Variants in MRPL3 observed in about 807,000 individuals in gnomAD.
The protein encoded by MRPL3 is mitochondrial ribosomal protein L3.
In MRPL3, 43 loss-of-function variants were observed where a neutral mutation model predicts 44.3. The observed-to-expected ratio is 0.97, with a 90% CI of 0.76 to 1.25. MRPL3 has a LOEUF of 1.25. MRPL3 is among the 50% of genes most tolerant of loss of function. The pLI, the probability that MRPL3 is intolerant of heterozygous loss-of-function variation, is 0.00. For missense variants in MRPL3, 406 were observed against 427.6 expected (o/e 0.95, Z 0.45); for synonymous variants, 171 against 152.3 (o/e 1.12, Z -0.91).
chr3:131,485,057 G>A (rs1440860531), intron 6 of MRPL3, among the ~76,000 whole-genome samples: 2 of 152,144 alleles, frequency 1.3e-5, no homozygotes, highest in Non-Finnish European at 2.9e-5. Flanking sequence ...AGGGCTGGTT[G>A]TTCCCCCAAC....
chr3:131,498,511 G>C (rs1488709632), intron 3 of MRPL3, among the ~76,000 whole-genome samples: 1 of 151,504 alleles, frequency 6.6e-6, no homozygotes, highest in Non-Finnish European at 1.5e-5. Context: ...GACCATCCTG[G>C]CTAACACGGT....
intron 6 of MRPL3, among the ~76,000 whole-genome samples, chr3:131,475,689 A>G (rs185720358): frequency 6.6e-6 from 1 of 152,352 alleles, no homozygotes; most frequent in Admixed American, 6.5e-5. Flanking sequence ...GAGCTAAAAC[A>G]TAACACATAT....
intron 6 of MRPL3, among the ~76,000 whole-genome samples, chr3:131,481,131 G>A (rs1416651544): frequency 6.6e-6 from 1 of 152,148 alleles, no homozygotes; most frequent in Non-Finnish European, 1.5e-5. Context: ...TCATTACTCT[G>A]CAAATTCCAG....
In MRPL3 at chr3:131,502,868, G is replaced by T. The variant is rs757348922; in HGVS notation, c.-47C>A. ...ACTCACGACTTCCGGGCGCCCTGCCGCTCTGCTTTCAGGGAGTCCCCACGC... is the reference window on the plus strand; with the variant it reads ...ACTCACGACTTCCGGGCGCCCTGCCTCTCTGCTTTCAGGGAGTCCCCACGC... On this transcript the variant is annotated 5_prime_UTR_variant, in exon 1 of 10. Transcript: ENST00000264995. 1.8e-5 allele frequency: 29 copies of T among 1,573,638 alleles called. No individual in the cohort carries two copies. Among genetic ancestry groups the T allele is most frequent in the Non-Finnish European group, 2.3e-5 (27 of 1,151,090 alleles).
rs1247282963 is a variant in MRPL3, at chr3:131,488,115, A to T, written c.569-375T>A. Among the ~76,000 whole-genome samples the T allele has an allele frequency of 2.0e-5, 3 of 152,230 alleles. No homozygotes were observed. The East Asian group carries it at 5.8e-4, about 29-fold the overall frequency. On this transcript the variant is annotated intron_variant, in intron 5 of 9. Transcript: ENST00000264995. ...AACCAAAAAATGTTGGGGCTTCATT[A>T]AATATCCTGCACCCATTGGACAAAC... is the stretch of plus-strand genomic sequence containing the variant.
chr3:131,484,704 C>A (rs575506113), intron 6 of MRPL3, among the ~76,000 whole-genome samples: 8 of 152,270 alleles, frequency 5.3e-5, no homozygotes, highest in Admixed American at 5.2e-4. Context: ...CAATGCTGCA[C>A]TCAGGAAATT....
At chr3:131,469,239 C>A (rs999170820) in intron 8 of MRPL3, among the ~76,000 whole-genome samples, 19 of 151,614 alleles carry the variant, frequency 1.3e-4, no homozygotes, top group Non-Finnish European at 2.5e-4. Context: ...CACACGCACA[C>A]ACACACACAC....
At chr3:131,496,844 C>T (rs1234028395) in intron 4 of MRPL3, among the ~76,000 whole-genome samples, 4 of 152,198 alleles carry the variant, frequency 2.6e-5, no homozygotes, top group Non-Finnish European at 4.4e-5. Flanking sequence ...CCTCAAAGTC[C>T]GTAAGATGAA....
intron 6 of MRPL3, among the ~76,000 whole-genome samples, chr3:131,485,375 C>T (rs891358645): frequency 6.6e-6 from 1 of 152,150 alleles, no homozygotes; most frequent in Non-Finnish European, 1.5e-5. Context: ...CTTAGAATAT[C>T]CCATATTGTA....
In MRPL3 at chr3:131,498,304, A is replaced by G. The variant is rs1183369327; in HGVS notation, c.370-27T>C. On this transcript the variant is annotated intron_variant, in intron 3 of 9. Transcript: ENST00000264995. ...TAAAAAAACAAACATAAAAAAACTA[A>G]GCATGTGCCAATATATATTTTAACA... The G allele has an allele frequency of 2.9e-6, 4 of 1,399,258 alleles. No homozygotes were observed. The East Asian group carries it at 9.1e-5, about 32-fold the overall frequency. 86.7% of individuals were successfully genotyped at this position (1,399,258 alleles called of 1,614,324 possible).
intron 6 of MRPL3, among the ~76,000 whole-genome samples, chr3:131,473,109 T>G (rs1559815897): frequency 6.6e-6 from 1 of 152,022 alleles, no homozygotes; most frequent in Admixed American, 6.6e-5. Context: ...GCCAAAGCAA[T>G]CCTGAGTAAG....
chr3:131,469,831 A>T (rs1241480402), intron 7 of MRPL3, 58 bp from the exon 8 acceptor site: 1 of 1,041,952 alleles, frequency 9.6e-7, no homozygotes, highest in Non-Finnish European at 1.5e-6. Flanking sequence ...AACAGCACTG[A>T]TCAAACCACA....
intron 4 of MRPL3, among the ~76,000 whole-genome samples, chr3:131,495,257 T>C (rs1319742835): frequency 1.3e-5 from 2 of 152,154 alleles, no homozygotes; most frequent in East Asian, 3.8e-4. Context: ...AGCTATAATA[T>C]GGAAGTCTGG....
At position 131,501,519 on chromosome 3, in the gene MRPL3, C is replaced by G; in HGVS notation, c.277+12G>C. The G allele has an allele frequency of 6.2e-7, 1 of 1,604,936 alleles. No individual in the cohort carries two copies. Among genetic ancestry groups the G allele is most frequent in the Non-Finnish European group, 8.5e-7 (1 of 1,175,160 alleles). ...TTAGGAAATGAGAGCTCATCAAATA[C>G]AAAATAATCACCTGGTTCCCAAGGA... is the stretch of plus-strand genomic sequence containing the variant. On this transcript the variant is annotated intron_variant, in intron 2 of 9. Coordinates refer to ENST00000264995, the MANE Select transcript of MRPL3 (RefSeq NM_007208.4).
chr3:131,485,546 A>G (rs1296534458), intron 6 of MRPL3, among the ~76,000 whole-genome samples: 1 of 152,168 alleles, frequency 6.6e-6, no homozygotes, highest in Admixed American at 6.5e-5. Context: ...TTTAAGCTCC[A>G]ATATTTTGAG....
rs759916300 is a variant in MRPL3 at position 131,502,812 on chromosome 3, A to T, written c.10T>A (p.Trp4Arg). MPG[W>R]RLLTQVGAQV... is the part of the protein sequence containing the mutation. ...GCGCCGACCTGCGTCAGCAGCCTCC[A>T]ACCCGGCATGGATTAGCCCGGGAAG... is the stretch of plus-strand genomic sequence containing the variant. Residue 4 changes from tryptophan (W) to arginine (R), a missense_variant, in exon 1 of 10, where the codon TGG becomes AGG. Coordinates refer to ENST00000264995, the MANE Select transcript of MRPL3 (RefSeq NM_007208.4). 4 of 1,612,048 alleles carry T rather than the reference A, an allele frequency of 2.5e-6. No individual in the cohort carries two copies. The highest frequency in any genetic ancestry group is 3.4e-6 in the Non-Finnish European group (4 of 1,179,408).
intron 6 of MRPL3, among the ~76,000 whole-genome samples, chr3:131,474,589 G>A (rs945366844): frequency 1.6e-4 from 25 of 152,000 alleles, no homozygotes; most frequent in Non-Finnish European, 3.1e-4. Flanking sequence ...AACAGGTACC[G>A]TAACTACCCT....
intron 6 of MRPL3, among the ~76,000 whole-genome samples, chr3:131,476,306 A>ATAGGCTGAATT (rs1933850644): frequency 1.2e-4 from 19 of 152,194 alleles, no homozygotes; most frequent in Non-Finnish European, 1.9e-4. Flanking sequence ...ATTAGGGAGA[A>ATAGGCTGAATT]CAGAGTGTAC....
At chr3:131,485,123 C>T (rs988663694) in intron 6 of MRPL3, among the ~76,000 whole-genome samples, 1 of 152,084 alleles carries the variant, frequency 6.6e-6, no homozygotes, top group African/African-American at 2.4e-5. Flanking sequence ...ATCTTGTTTT[C>T]TATGAAAATG....
Sources: gnomAD v4.1 joint callset for allele counts (sites outside exome capture counted in the v4.1 genomes callset) on GRCh38, gnomAD v4.1.1 for gene constraint, MANE v1.5 for transcripts, NCBI Gene and HGNC (gene_info 2026-07-23, HGNC 2026-07-21) for gene names.